The following YAP1 variants were observed in gnomAD, a reference collection of about 807,000 sequenced individuals.
YAP1 encodes the protein transcriptional coactivator YAP1.
Under a neutral mutation model 56.9 loss-of-function variants are expected in YAP1, and 5 were observed. The observed-to-expected ratio is 0.09, with a 90% CI of 0.05 to 0.18. YAP1 has a LOEUF of 0.18. Ranked by LOEUF, YAP1 falls within the 10% of genes least tolerant of loss-of-function variation. YAP1 has a pLI of 1.00. For missense variants in YAP1, 539 were observed against 651.8 expected (o/e 0.83, Z 1.88); for synonymous variants, 265 against 248.1 (o/e 1.07, Z -0.64).
chr11:102,110,938 G>C lies in YAP1; in HGVS notation c.90G>C (p.Pro30=). 1 of 1,489,190 alleles carries C rather than the reference G, an allele frequency of 6.7e-7. No individual in the cohort carries two copies. Among genetic ancestry groups the C allele is most frequent in the South Asian group, 1.3e-5 (1 of 77,576 alleles). 92.2% of individuals were successfully genotyped at this position (1,489,190 alleles called of 1,614,324 possible). A position where few individuals can be genotyped will look rare whatever the true frequency, so the allele number is the denominator to read the frequency against. Residue 30 remains proline (P), a synonymous_variant, in exon 1 of 9, where the codon CCG becomes CCC. Coordinates refer to ENST00000282441, the MANE Select transcript of YAP1 (RefSeq NM_001130145.3). ...PSQPPQGQGP[P]SGPGQPAPAA... ...AGCCCCCGCAGGGGCAGGGCCCGCC[G>C]TCCGGACCCGGGCAACCGGCACCCG...
intron 1 of YAP1, chr11:102,112,727 A>G: frequency 1.2e-5 from 12 of 985,172 alleles, no homozygotes; most frequent in Non-Finnish European, 1.4e-5. Flanking sequence ...GCTTGCCTAA[A>G]CACTTCAATT....
intron 1 of YAP1, chr11:102,112,605 T>A (rs1287373893): frequency 1.0e-6 from 1 of 985,016 alleles, no homozygotes; most frequent in African/African-American, 1.7e-5. Flanking sequence ...TGCAGGCCTG[T>A]TGTATAGTCT....
intron 3 of YAP1, among the ~76,000 whole-genome samples, chr11:102,179,379 T>C (rs1673699841): frequency 6.6e-6 from 1 of 152,212 alleles, no homozygotes; most frequent in Non-Finnish European, 1.5e-5. Context: ...ATCTAGAGGT[T>C]GTCATGAGTT....
intron 6 of YAP1, among the ~76,000 whole-genome samples, chr11:102,215,496 G>C (rs940105653): frequency 6.6e-6 from 1 of 152,176 alleles, no homozygotes; most frequent in African/African-American, 2.4e-5. Context: ...ATTTATTTAA[G>C]ATGGAGTTTC....
At chr11:102,112,604 G>T (rs1355901933) in intron 1 of YAP1, 1 of 985,010 alleles carries the variant, frequency 1.0e-6, no homozygotes, top group Non-Finnish European at 1.2e-6. Context: ...TTGCAGGCCT[G>T]TTGTATAGTC....
intron 7 of YAP1, chr11:102,227,024 G>C (rs532097192): frequency 5.8e-4 from 93 of 160,418 alleles, no homozygotes; most frequent in African/African-American, 2.2e-3. Flanking sequence ...CGCCCACCTG[G>C]AGTTTGTGTT....
chr11:102,122,907 A>AAAAAAAAAAT (rs1943763336), intron 2 of YAP1, among the ~76,000 whole-genome samples: 1 of 150,870 alleles, frequency 6.6e-6, no homozygotes, highest in African/African-American at 2.4e-5. Context: ...AAAAAAAAAA[A>AAAAAAAAAAT]AAAAAAAAAG....
intron 2 of YAP1, among the ~76,000 whole-genome samples, chr11:102,133,725 C>T (rs1034794887): frequency 2.0e-5 from 3 of 152,174 alleles, no homozygotes; most frequent in Non-Finnish European, 4.4e-5. Flanking sequence ...GATTTCAACT[C>T]TGCTGTTTTG....
chr11:102,205,355 C>T (rs1345154775), intron 4 of YAP1, among the ~76,000 whole-genome samples: 1 of 151,976 alleles, frequency 6.6e-6, no homozygotes, highest in African/African-American at 2.4e-5. Flanking sequence ...GTTTGGAATG[C>T]TTTGTCTTAA....
At chr11:102,137,004 C>G (rs1404946362) in intron 2 of YAP1, among the ~76,000 whole-genome samples, 3 of 152,182 alleles carry the variant, frequency 2.0e-5, no homozygotes, top group African/African-American at 7.2e-5. Context: ...CCGCAAAGGA[C>G]CTCTTGAAAT....
At chr11:102,135,212 G>A (rs1224648390) in intron 2 of YAP1, among the ~76,000 whole-genome samples, 1 of 152,080 alleles carries the variant, frequency 6.6e-6, no homozygotes, top group Non-Finnish European at 1.5e-5. Context: ...GCCTAGGCTG[G>A]ATTATTTTTT....
In YAP1 at chr11:102,229,922, C is replaced by T; in HGVS notation, c.1497C>T (p.Ser499=). Residue 499 remains serine, a synonymous_variant, in exon 9 of 9, where the codon AGC becomes AGT. Coordinates refer to ENST00000282441, the MANE Select transcript of YAP1 (RefSeq NM_001130145.3). ...CTGCCACCAAGCTAGATAAAGAAAGCTTTCTTACATGGTTATAGAGCCCTC... is the reference window on the plus strand; with the variant it reads ...CTGCCACCAAGCTAGATAAAGAAAGTTTTCTTACATGGTTATAGAGCCCTC... ...VLAATKLDKE[S]FLTWL 6.2e-7 allele frequency: 1 copy of T among 1,614,020 alleles called. No homozygotes were observed. The highest frequency in any genetic ancestry group is 8.5e-7 in the Non-Finnish European group (1 of 1,179,900).
intron 2 of YAP1, among the ~76,000 whole-genome samples, chr11:102,151,607 G>A (rs1185332639): frequency 6.6e-6 from 1 of 152,094 alleles, no homozygotes; most frequent in Non-Finnish European, 1.5e-5. Context: ...TTTCCCACTA[G>A]AAGATAAGCT....
chr11:102,188,966 T>C (rs1424198857), intron 4 of YAP1, among the ~76,000 whole-genome samples: 1 of 152,192 alleles, frequency 6.6e-6, no homozygotes, highest in African/African-American at 2.4e-5. Flanking sequence ...TATTTTAATT[T>C]TAGAGAATTC....
chr11:102,132,390 A>T (rs1944415735), intron 2 of YAP1, among the ~76,000 whole-genome samples: 1 of 152,200 alleles, frequency 6.6e-6, no homozygotes, highest in Non-Finnish European at 1.5e-5. Context: ...AATTAATCTC[A>T]GTTTACTTTG....
rs1318934036 is a variant in YAP1 at position 102,114,247 on chromosome 11, T to C, written c.425T>C (p.Leu142Pro). 1 of 1,614,086 alleles carries C rather than the reference T, an allele frequency of 6.2e-7. No homozygotes were observed. The highest frequency in any genetic ancestry group is 8.5e-7 in the Non-Finnish European group (1 of 1,180,018). The change falls in exon 2 of 9, where the codon CTG (leucine) becomes CCG (proline). Residue 142 changes from leucine (L) to proline (P), a missense_variant. Around this residue, in one of 4 missense-constraint regions of YAP1, gnomAD observed 414 missense variants for 512.4 expected, o/e 0.81. Coordinates refer to ENST00000282441, the MANE Select transcript of YAP1 (RefSeq NM_001130145.3). Reference sequence around the variant, plus strand: ...TTGGGAGCTGTTTCTCCTGGGACACTGACCCCCACTGGAGTAGTCTCTGGC... The same window carrying C: ...TTGGGAGCTGTTTCTCCTGGGACACCGACCCCCACTGGAGTAGTCTCTGGC... Reference protein sequence around the residue: ...LQLGAVSPGTLTPTGVVSGPA... With the variant: ...LQLGAVSPGTPTPTGVVSGPA...
chr11:102,176,532 G>A (rs1028002979), intron 3 of YAP1, among the ~76,000 whole-genome samples: 1 of 151,918 alleles, frequency 6.6e-6, no homozygotes, highest in Non-Finnish European at 1.5e-5. Context: ...GGATCTTGAG[G>A]TCAGGAGTTT....
At chr11:102,221,635 A>T (rs1820455) in intron 6 of YAP1, among the ~76,000 whole-genome samples, 46,475 of 151,626 alleles carry the variant, frequency 0.31, 7,263 homozygotes, top group East Asian at 0.36. Flanking sequence ...AGGCAGGAGG[A>T]TCACTTGAGC....
At chr11:102,205,797 A>G (rs1949090023) in intron 4 of YAP1, 96 bp from the exon 5 acceptor site, 2 of 1,276,572 alleles carry the variant, frequency 1.6e-6, no homozygotes, top group Middle Eastern at 2.9e-4. Flanking sequence ...AAAAAGTTAC[A>G]TCGAATATCC....
Sources: gnomAD v4.1 joint callset for allele counts (sites outside exome capture counted in the v4.1 genomes callset) on GRCh38, gnomAD v4.1.1 for gene constraint, gnomAD v4.1.1 regional missense constraint, MANE v1.5 for transcripts, NCBI Gene and HGNC (gene_info 2026-07-23, HGNC 2026-07-21) for gene names.